GSE1: variants seen among roughly 807,000 people sequenced by gnomAD.
The protein encoded by GSE1 is Gse1 coiled-coil protein, also known as genetic suppressor element 1.
GSE1 carries 32 observed loss-of-function variants against 112.6 expected under a neutral mutation model. The ratio of observed to expected loss-of-function variants is 0.28; its 90% CI spans 0.21 to 0.38. The LOEUF (loss-of-function observed/expected upper bound fraction) is 0.38, where lower values mean the gene tolerates loss of function less well. GSE1 is among the 10% of genes least tolerant of loss of function. The pLI, the probability that GSE1 is intolerant of heterozygous loss-of-function variation, is 1.00. For missense variants in GSE1, 2,348 were observed against 1,699.2 expected, an observed-to-expected ratio of 1.38 and a Z score of -6.71; for synonymous variants, 1,115 against 735.6, an observed-to-expected ratio of 1.52 and a Z score of -8.35.
intron 1 of GSE1, among the ~76,000 whole-genome samples, chr16:85,250,638 AAGTGCAGTTTTTTTTATAAC>A (rs1406638541): frequency 1.3e-5 from 2 of 152,244 alleles, no homozygotes; most frequent in Non-Finnish European, 2.9e-5. Context: ...GTGCTATTTT[AAGTGCAGTTTTTTTTATAAC>A]AGCCGTATTG....
chr16:85,399,366 G>A (rs866045474), intron 2 of GSE1, among the ~76,000 whole-genome samples: 6 of 152,134 alleles, frequency 3.9e-5, no homozygotes, highest in East Asian at 1.9e-4. Flanking sequence ...TTCAGTCCAC[G>A]GGGGCTCCAC....
chr16:85,308,731 A>T (rs1445211687), intron 1 of GSE1, among the ~76,000 whole-genome samples: 2 of 151,892 alleles, frequency 1.3e-5, no homozygotes, highest in East Asian at 3.9e-4. Flanking sequence ...GAATTCTGCA[A>T]GACAGCTGTT....
intron 2 of GSE1, among the ~76,000 whole-genome samples, chr16:85,547,654 G>T (rs1486561223): frequency 6.6e-6 from 1 of 152,094 alleles, no homozygotes; most frequent in Non-Finnish European, 1.5e-5. Flanking sequence ...GCCGGGGAGG[G>T]TGTATCACCT....
At chr16:85,383,274 A>G (rs1478503497) in intron 2 of GSE1, among the ~76,000 whole-genome samples, 1 of 151,678 alleles carries the variant, frequency 6.6e-6, no homozygotes, top group South Asian at 2.1e-4. Flanking sequence ...GCATACACAC[A>G]GTTCCCAGCA....
At chr16:85,635,008 C>T (rs2049869760) in intron 2 of GSE1, among the ~76,000 whole-genome samples, 1 of 152,196 alleles carries the variant, frequency 6.6e-6, no homozygotes, top group South Asian at 2.1e-4. Flanking sequence ...ACCTCCAAGG[C>T]CCACGGGTTA....
chr16:85,424,496 C>T (rs1281533175), intron 2 of GSE1, among the ~76,000 whole-genome samples: 1 of 152,208 alleles, frequency 6.6e-6, no homozygotes, highest in Non-Finnish European at 1.5e-5. Context: ...GGGAACCCGC[C>T]AGCCATGCCT....
intron 1 of GSE1, among the ~76,000 whole-genome samples, chr16:85,215,147 C>T (rs958592568): frequency 6.6e-6 from 1 of 152,134 alleles, no homozygotes; most frequent in Admixed American, 6.5e-5. Context: ...GCTTTGACTC[C>T]GAATTCTATT....
intron 1 of GSE1, among the ~76,000 whole-genome samples, chr16:85,323,012 G>A (rs923057446): frequency 3.3e-5 from 5 of 151,990 alleles, no homozygotes; most frequent in African/African-American, 1.2e-4. Context: ...GTTGGTCTGA[G>A]TCAAAAGCTC....
chr16:85,658,575 C>T (rs1209838025), intron 8 of GSE1, among the ~76,000 whole-genome samples: 3 of 152,204 alleles, frequency 2.0e-5, no homozygotes, highest in Admixed American at 6.5e-5. Context: ...AGGGAATGCG[C>T]CCCCGCTGAT....
intron 2 of GSE1, among the ~76,000 whole-genome samples, chr16:85,536,836 G>C (rs1242014765): frequency 1.3e-5 from 2 of 152,248 alleles, no homozygotes; most frequent in Non-Finnish European, 2.9e-5. Context: ...AAGGGATGGG[G>C]CTGCTGTCAG....
At chr16:85,599,604 T>C (rs1374503366) in intron 1 of GSE1, among the ~76,000 whole-genome samples, 1 of 152,206 alleles carries the variant, frequency 6.6e-6, no homozygotes, top group African/African-American at 2.4e-5. Flanking sequence ...CACAAGCCTC[T>C]TGCATCTCAC....
At position 85,634,095 on chromosome 16, in the gene GSE1, G is replaced by T. The variant is rs560356645; in HGVS notation, c.189G>T (p.Ala63=). The part of the protein sequence containing the change: ...QAAPSSSFAA[A]LRKLAKQAEE... ...CGCCATCCTCCAGCTTTGCCGCCGC[G>T]CTGCGCAAGCTCGCCAAACAGGCGG... Residue 63 remains alanine, a synonymous_variant, in exon 2 of 16, where the codon GCG becomes GCT. Transcript: ENST00000253458. The T allele has an allele frequency of 6.3e-7, 1 of 1,580,696 alleles. No homozygotes were observed. The highest frequency in any genetic ancestry group is 1.4e-5 in the African/African-American group (1 of 73,614).
chr16:85,191,607 T>C (rs79951866), intron 1 of GSE1, among the ~76,000 whole-genome samples: 1,892 of 152,266 alleles, frequency 0.012, 28 homozygotes, highest in African/African-American at 0.043. Flanking sequence ...TCTATCAAGT[T>C]GAGATGGAAC....
At chr16:85,359,661 A>G (rs1183887481) in intron 2 of GSE1, among the ~76,000 whole-genome samples, 1 of 152,186 alleles carries the variant, frequency 6.6e-6, no homozygotes, top group Non-Finnish European at 1.5e-5. Flanking sequence ...GTCCTCCTCC[A>G]TCAGTGAAAC....
chr16:85,302,446 C>T (rs1567674294), intron 1 of GSE1, among the ~76,000 whole-genome samples: 1 of 95,708 alleles, frequency 1.0e-5, no homozygotes, highest in Non-Finnish European at 1.9e-5. Flanking sequence ...TCACAGCACA[C>T]CGCCCCCCCC....
At chr16:85,267,214 C>G (rs1908339701) in intron 1 of GSE1, among the ~76,000 whole-genome samples, 1 of 152,222 alleles carries the variant, frequency 6.6e-6, no homozygotes, top group South Asian at 2.1e-4. Flanking sequence ...TGAGGCCGAG[C>G]CACATCCTCG....
At chr16:85,277,903 G>A (rs1909527910) in intron 1 of GSE1, among the ~76,000 whole-genome samples, 1 of 152,230 alleles carries the variant, frequency 6.6e-6, no homozygotes, top group Admixed American at 6.5e-5. Context: ...ATTCCTCCTG[G>A]CCTCCACCTC....
At chr16:85,561,205 G>A (rs1011044308) in intron 1 of GSE1, among the ~76,000 whole-genome samples, 1 of 152,004 alleles carries the variant, frequency 6.6e-6, no homozygotes, top group South Asian at 2.1e-4. Flanking sequence ...CGCCAGACAC[G>A]GTGCTTCCTC....
chr16:85,551,100 C>T (rs1352418412), upstream of GSE1, among the ~76,000 whole-genome samples: 2 of 152,126 alleles, frequency 1.3e-5, no homozygotes, highest in African/African-American at 4.8e-5. Flanking sequence ...TACCTGGAGG[C>T]TCAGGTCTGG....
Sources: gnomAD v4.1 joint callset for allele counts (sites outside exome capture counted in the v4.1 genomes callset) on GRCh38, gnomAD v4.1.1 for gene constraint, MANE v1.5 for transcripts, NCBI Gene and HGNC (gene_info 2026-07-23, HGNC 2026-07-21) for gene names.